Variants in XPNPEP3 observed in about 807,000 individuals in gnomAD.
The protein encoded by XPNPEP3 is xaa-Pro aminopeptidase 3.
XPNPEP3 carries 41 observed loss-of-function variants against 60.0 expected under a neutral mutation model. The observed-to-expected ratio is 0.68, with a 90% CI of 0.53 to 0.89. The LOEUF is 0.89. Ranked by LOEUF, XPNPEP3 falls within the 40% of genes least tolerant of loss-of-function variation. The pLI, the probability that XPNPEP3 is intolerant of heterozygous loss-of-function variation, is 0.00. For synonymous variants in XPNPEP3, 212 were observed against 223.2 expected, an observed-to-expected ratio of 0.95 and a Z score of 0.45; for missense variants, 598 against 638.9, an observed-to-expected ratio of 0.94 and a Z score of 0.69.
In XPNPEP3 at chr22:40,927,144, G is replaced by T. The variant is rs1352214548; in HGVS notation, c.*709G>T. ...TTAGATTCTTGATAAAGATGGAAAT[G>T]GAAGAGAAAGAAAATTATATATGTA... On this transcript the variant is annotated 3_prime_UTR_variant, in exon 10 of 10. Transcript: ENST00000357137. The T allele has an allele frequency of 6.5e-6, 1 of 153,454 alleles. No individual in the cohort carries two copies. Among genetic ancestry groups the T allele is most frequent in the East Asian group, 1.9e-4 (1 of 5,202 alleles). 9.5% of individuals were successfully genotyped at this position (153,454 alleles called of 1,614,324 possible).
chr22:40,865,010 T>C (rs1383755141), intron 1 of XPNPEP3, among the ~76,000 whole-genome samples: 1 of 152,202 alleles, frequency 6.6e-6, no homozygotes, highest in African/African-American at 2.4e-5. Context: ...AAAAAACTAA[T>C]TTCAGTGGAG....
chr22:40,883,171 A>C (rs1370129247), intron 3 of XPNPEP3, among the ~76,000 whole-genome samples: 3 of 152,204 alleles, frequency 2.0e-5, no homozygotes, highest in African/African-American at 7.2e-5. Context: ...CAGCTCTTCA[A>C]AAGGAGGTAC....
At chr22:40,878,106 TGG>T (rs1054161058) in intron 2 of XPNPEP3, among the ~76,000 whole-genome samples, 3 of 151,094 alleles carry the variant, frequency 2.0e-5, no homozygotes, top group African/African-American at 7.3e-5. Flanking sequence ...CTTGGGAACC[TGG>T]GGCAGGAGAA....
At position 40,886,355 on chromosome 22, in the gene XPNPEP3, A is replaced by G. The variant is rs749588339; in HGVS notation, c.632A>G (p.His211Arg). The G allele has an allele frequency of 1.2e-6, 2 of 1,614,130 alleles. No homozygotes were observed. Among genetic ancestry groups the G allele is most frequent in the South Asian group, 1.1e-5 (1 of 91,082 alleles). ...TGGTATGACTGGATGAGGCCCTCAC[A>G]TGCACAGCTTCACTCTGACTATATG... is the stretch of plus-strand genomic sequence containing the variant. ...MVWYDWMRPS[H>R]AQLHSDYMQP... The change falls in exon 4 of 10, where the codon CAT (histidine) becomes CGT (arginine). Residue 211 changes from histidine (H) to arginine (R), a missense_variant. Physicochemically the swap from His to Arg is conservative, Grantham distance 29. Transcript: ENST00000357137.
chr22:40,880,825 G>A (rs2058044734), intron 2 of XPNPEP3, among the ~76,000 whole-genome samples: 1 of 150,568 alleles, frequency 6.6e-6, no homozygotes, highest in South Asian at 2.1e-4. Context: ...AGTCAGCAAA[G>A]GCCCTATATT....
chr22:40,914,852 A>G (rs1354449900), intron 7 of XPNPEP3, among the ~76,000 whole-genome samples: 1 of 152,098 alleles, frequency 6.6e-6, no homozygotes, highest in African/African-American at 2.4e-5. Context: ...ACAAAATATT[A>G]AAAATAACTA....
chr22:40,857,347 CCTCCG>C (rs1456938041), intron 1 of XPNPEP3, 102 bp downstream of exon 1: 13 of 1,270,436 alleles, frequency 1.0e-5, no homozygotes, highest in African/African-American at 3.0e-5. Flanking sequence ...CCTGGTGGGG[CCTCCG>C]CTCCCCAACC....
intron 6 of XPNPEP3, among the ~76,000 whole-genome samples, chr22:40,910,416 TATC>T (rs1458498740): frequency 2.6e-5 from 4 of 152,114 alleles, no homozygotes; most frequent in Non-Finnish European, 4.4e-5. Context: ...AACTCCTAAA[TATC>T]ATAGGCTGGG....
At chr22:40,867,288 C>T (rs1249413840) in intron 1 of XPNPEP3, among the ~76,000 whole-genome samples, 1 of 152,170 alleles carries the variant, frequency 6.6e-6, no homozygotes, top group Non-Finnish European at 1.5e-5. Context: ...TATTTGACTT[C>T]ATAATCTTTG....
chr22:40,870,840 G>C (rs1266371528), intron 2 of XPNPEP3, among the ~76,000 whole-genome samples: 1 of 151,922 alleles, frequency 6.6e-6, no homozygotes, highest in Admixed American at 6.6e-5. Context: ...CCAATATGGT[G>C]AAATCCTGTC....
chr22:40,861,467 A>C (rs377465509), intron 1 of XPNPEP3: 2 of 1,614,058 alleles, frequency 1.2e-6, no homozygotes, highest in Admixed American at 3.3e-5. Flanking sequence ...CACTATTATC[A>C]AAAGCCAGGG....
chr22:40,884,349 T>TG (rs1407989442), intron 3 of XPNPEP3, among the ~76,000 whole-genome samples: 1 of 151,712 alleles, frequency 6.6e-6, no homozygotes, highest in Non-Finnish European at 1.5e-5. Context: ...TTTTTTTTTT[T>TG]GAAACAGAAT....
intron 1 of XPNPEP3, among the ~76,000 whole-genome samples, chr22:40,857,496 C>T (rs933176504): frequency 6.6e-6 from 1 of 152,256 alleles, no homozygotes; most frequent in African/African-American, 2.4e-5. Flanking sequence ...CCCAGAGGGG[C>T]TGTCTTCCAA....
At chr22:40,923,587 C>T (rs917653340) in intron 8 of XPNPEP3, among the ~76,000 whole-genome samples, 11 of 152,150 alleles carry the variant, frequency 7.2e-5, no homozygotes, top group African/African-American at 2.7e-4. Context: ...CACAGTGGCT[C>T]ACACCTGTAA....
At chr22:40,865,780 C>T (rs887265864) in intron 1 of XPNPEP3, among the ~76,000 whole-genome samples, 1 of 151,160 alleles carries the variant, frequency 6.6e-6, no homozygotes, top group East Asian at 1.9e-4. Flanking sequence ...ATCTGTCTGC[C>T]TGCCTCGGCC....
chr22:40,907,416 G>A (rs975494754), intron 4 of XPNPEP3, among the ~76,000 whole-genome samples, 171 bp from the exon 5 acceptor site: 5 of 151,456 alleles, frequency 3.3e-5, no homozygotes, highest in Non-Finnish European at 5.9e-5. Flanking sequence ...GCGAGACTCC[G>A]TCTCAAAAAA....
intron 4 of XPNPEP3, among the ~76,000 whole-genome samples, chr22:40,894,080 G>A (rs2058098967): frequency 6.6e-6 from 1 of 152,182 alleles, no homozygotes; most frequent in Non-Finnish European, 1.5e-5. Context: ...GCTGAGGGCA[G>A]GAGGATCGCT....
At chr22:40,888,924 G>A (rs2058078952) in intron 4 of XPNPEP3, among the ~76,000 whole-genome samples, 1 of 152,020 alleles carries the variant, frequency 6.6e-6, no homozygotes. Context: ...GTGTGAAGTG[G>A]TATCTTACTG....
In XPNPEP3 at chr22:40,931,086, ATC is replaced by A. The variant is rs1248392333; in HGVS notation, c.*4653_*4654del. 1.3e-5 allele frequency: 2 copies of A among 152,284 alleles called. No individual in the cohort carries two copies. The highest frequency in any genetic ancestry group is 2.9e-5 in the Non-Finnish European group (2 of 68,148). The allele number at this position is 152,284 out of a possible 1,614,324, so 9.4% of individuals were successfully genotyped here. The stretch of plus-strand genomic sequence containing the variant: ...ATGGTCTTGATCTCCTGACCTCGTG[ATC>A]TGCCCACTTTGGCCTCCCAAAGTGC... On this transcript the variant is annotated 3_prime_UTR_variant, in exon 10 of 10. Transcript: ENST00000357137.
Sources: gnomAD v4.1 joint callset for allele counts (sites outside exome capture counted in the v4.1 genomes callset) on GRCh38, gnomAD v4.1.1 for gene constraint, MANE v1.5 for transcripts, NCBI Gene and HGNC (gene_info 2026-07-23, HGNC 2026-07-21) for gene names.